Variants in SCN1A observed in about 807,000 individuals in gnomAD.
SCN1A encodes the protein sodium channel protein type 1 subunit alpha.
Under a neutral mutation model 193.7 loss-of-function variants are expected in SCN1A, and 13 were observed. The ratio of observed to expected loss-of-function variants is 0.07; its 90% confidence interval spans 0.04 to 0.11. The LOEUF is 0.11. Ranked by LOEUF, SCN1A falls within the 10% of genes least tolerant of loss-of-function variation. The pLI is 1.00. For synonymous variants in SCN1A, 781 were observed against 843.6 expected, an observed-to-expected ratio of 0.93 and a Z score of 1.29; for missense variants, 1,432 against 2,451.1, an observed-to-expected ratio of 0.58 and a Z score of 8.78.
At chr2:166,135,027 G>A (rs1691801670) in intron 1 of SCN1A, among the ~76,000 whole-genome samples, 2 of 152,118 alleles carry the variant, frequency 1.3e-5, no homozygotes, top group South Asian at 4.1e-4. Context: ...GTGTTTATGT[G>A]TTCTTTCCTT....
At chr2:166,050,708 G>T (rs1474946438) in intron 9 of SCN1A, among the ~76,000 whole-genome samples, 1 of 144,286 alleles carries the variant, frequency 6.9e-6, no homozygotes, top group African/African-American at 2.6e-5. Context: ...CAAACTCCTG[G>T]CCTCAAGTGA....
intron 20 of SCN1A, 58 bp downstream of exon 20, chr2:166,015,549 A>G (rs969446838): frequency 1.3e-5 from 20 of 1,595,226 alleles, no homozygotes; most frequent in Non-Finnish European, 1.7e-5. Flanking sequence ...TTAGCTGACC[A>G]ACAGCTAAAC....
At chr2:166,058,755 C>T (rs1168135294) in intron 4 of SCN1A, 67 bp from the exon 5 acceptor site, 10 of 874,980 alleles carry the variant, frequency 1.1e-5, no homozygotes, top group Non-Finnish European at 1.9e-5. Flanking sequence ...TATCTACTTT[C>T]TGTTACTTGT....
At chr2:166,147,073 G>T (rs1478152976) in intron 1 of SCN1A, among the ~76,000 whole-genome samples, 2 of 99,956 alleles carry the variant, frequency 2.0e-5, no homozygotes, top group South Asian at 3.5e-4. Flanking sequence ...AACACAGATT[G>T]CCAGGACCCA....
chr2:166,046,033 TTTA>T (rs1431740016), intron 12 of SCN1A, among the ~76,000 whole-genome samples: 1 of 152,216 alleles, frequency 6.6e-6, no homozygotes, highest in Non-Finnish European at 1.5e-5. Context: ...TTGACACTTT[TTTA>T]TTATTATCAT....
intron 2 of SCN1A, among the ~76,000 whole-genome samples, chr2:166,125,719 C>T (rs997961177): frequency 1.3e-5 from 2 of 152,102 alleles, no homozygotes; most frequent in African/African-American, 4.8e-5. Context: ...CAACAGAATC[C>T]TGACTGAGCT....
chr2:166,075,935 T>G (rs1451678574), intron 3 of SCN1A, among the ~76,000 whole-genome samples: 1 of 152,038 alleles, frequency 6.6e-6, no homozygotes, highest in Non-Finnish European at 1.5e-5. Flanking sequence ...TATATTTTTC[T>G]TATACTTAAG....
At chr2:166,053,269 T>A in intron 7 of SCN1A, 1 of 602,176 alleles carries the variant, frequency 1.7e-6, no homozygotes, top group Non-Finnish European at 2.9e-6. Context: ...CCATCATTAA[T>A]CTTTGTTCAC....
chr2:166,086,242 C>T lies in SCN1A; in HGVS notation c.-141-8441G>A, dbSNP rs1686102065. Among the ~76,000 whole-genome samples, 4 of 152,190 alleles carry T rather than the reference C, an allele frequency of 2.6e-5. No individual in the cohort carries two copies. The South Asian group carries it at 8.3e-4, about 32-fold the overall frequency. On this transcript the variant is annotated intron_variant, in intron 2 of 28. Coordinates refer to ENST00000674923, the MANE Select transcript of SCN1A (RefSeq NM_001165963.4). ...GAAATCAGCCCTTTCAAAAGACTCC[C>T]CCACTGACATGGACCAACCACCTGA...
At chr2:166,015,820 A>G in intron 19 of SCN1A, 93 bp from the exon 20 acceptor site, 4 of 1,407,536 alleles carry the variant, frequency 2.8e-6, no homozygotes, top group South Asian at 1.2e-5. Flanking sequence ...TTTGTTTTTT[A>G]TTCTTCTTGA....
chr2:166,043,904 C>T lies in SCN1A; in HGVS notation c.1808G>A (p.Ser603Asn), dbSNP rs1697471204. 8.7e-6 allele frequency: 14 copies of T among 1,614,154 alleles called. No homozygotes were observed. Among genetic ancestry groups the T allele is most frequent in the Non-Finnish European group, 1.2e-5 (14 of 1,180,016 alleles). The part of the protein sequence containing the change: ...DEHSTFEDNE[S>N]RRDSLFVPRR... The stretch of plus-strand genomic sequence containing the variant: ...GGGCACAAACAAGGAATCTCTACGG[C>T]TCTCGTTATCCTCAAAGGTGCTGTG... Residue 603 changes from serine (S) to asparagine (N), a missense_variant, in exon 14 of 29, where the codon AGC (serine) becomes AAC (asparagine). Coordinates refer to ENST00000674923, the MANE Select transcript of SCN1A (RefSeq NM_001165963.4).
intron 23 of SCN1A, among the ~76,000 whole-genome samples, chr2:166,006,185 G>A (rs552106036): frequency 1.3e-5 from 2 of 151,166 alleles, no homozygotes; most frequent in South Asian, 4.2e-4. Context: ...AAAAATAAAA[G>A]TGGGCAAAGT....
chr2:166,008,310 G>A (rs1405263287), intron 23 of SCN1A, among the ~76,000 whole-genome samples: 2 of 151,144 alleles, frequency 1.3e-5, no homozygotes, highest in Admixed American at 6.6e-5. Flanking sequence ...ATGGTCAAAT[G>A]TAAAAGGTTT....
Position 165,991,572 on chromosome 2 carries a change from G to A in SCN1A, c.5703C>T (p.Val1901=). ...ERFMASNPSK[V]SYQPITTTLK... Reference sequence around the variant, plus strand: ...AAGTAGTAGTGATTGGCTGATAGGAGACCTTGGAAGGATTGGAAGCCATGA... The same window carrying A: ...AAGTAGTAGTGATTGGCTGATAGGAAACCTTGGAAGGATTGGAAGCCATGA... Residue 1901 remains valine, a synonymous_variant, in exon 29 of 29, where the codon GTC becomes GTT. Transcript: ENST00000674923. 1 of 1,613,892 alleles carries A rather than the reference G, an allele frequency of 6.2e-7. No homozygotes were observed. Among genetic ancestry groups the A allele is most frequent in the South Asian group, 1.1e-5 (1 of 91,074 alleles).
chr2:166,064,296 A>G (rs563088466), intron 4 of SCN1A, among the ~76,000 whole-genome samples: 1 of 152,244 alleles, frequency 6.6e-6, no homozygotes, highest in East Asian at 1.9e-4. Flanking sequence ...TGTGATTCCA[A>G]TTTAGCTGGT....
intron 2 of SCN1A, among the ~76,000 whole-genome samples, chr2:166,087,186 G>C (rs1162118876): frequency 6.6e-6 from 1 of 151,042 alleles, no homozygotes; most frequent in Non-Finnish European, 1.5e-5. Flanking sequence ...AAAAAGAGCA[G>C]CCTGGCACGG....
In SCN1A at chr2:166,087,179, AAG is replaced by A. The variant is rs766074417; in HGVS notation, c.-141-9380_-141-9379del. Among the ~76,000 whole-genome samples, 65 of 151,626 alleles carry A rather than the reference AAG, an allele frequency of 4.3e-4. 2 individuals carry two copies. In the East Asian group the frequency reaches 0.012, roughly 29 times the overall value. On this transcript the variant is annotated intron_variant, in intron 2 of 28. Coordinates refer to ENST00000674923, the MANE Select transcript of SCN1A (RefSeq NM_001165963.4). ...GAGAACTGGTTGAAAAAAAAAAAAAAAGAGCAGCCTGGCACGGTGGCTCACAC... is the reference window on the plus strand; with the variant it reads ...GAGAACTGGTTGAAAAAAAAAAAAAAAGCAGCCTGGCACGGTGGCTCACAC...
At chr2:166,125,421 A>G (rs1691126312) in intron 2 of SCN1A, among the ~76,000 whole-genome samples, 1 of 152,140 alleles carries the variant, frequency 6.6e-6, no homozygotes, top group South Asian at 2.1e-4. Context: ...TTTTGGAGGG[A>G]TGCTTTTGTG....
At chr2:166,050,637 A>ATATATATATATATATATATATATATG (rs1553548987) in intron 9 of SCN1A, among the ~76,000 whole-genome samples, 2 of 77,214 alleles carry the variant, frequency 2.6e-5, no homozygotes, top group African/African-American at 1.2e-4. Flanking sequence ...ATATATATAT[A>ATATATATATATATATATATATATATG]TGTGTGTATA....
Sources: gnomAD v4.1 joint callset for allele counts (sites outside exome capture counted in the v4.1 genomes callset) on GRCh38, gnomAD v4.1.1 for gene constraint, MANE v1.5 for transcripts, NCBI Gene and HGNC (gene_info 2026-07-23, HGNC 2026-07-21) for gene names.